The following RPL36A variants were observed in gnomAD, a reference collection of about 807,000 sequenced individuals.
RPL36A encodes the protein large ribosomal subunit protein eL42.
For missense variants in RPL36A, 20 were observed against 81.0 expected (o/e 0.25, Z 2.89); for synonymous variants, 25 against 28.5 (o/e 0.88, Z 0.39).
In RPL36A at chrX:101,395,760, T is replaced by C. The variant is rs782555509; in HGVS notation, c.*12T>C. On this transcript the variant is annotated 3_prime_UTR_variant, in exon 5 of 5. Transcript: ENST00000553110. ...TGATCCAGTTCTAAGTGTCATCTTT[T>C]ATTATGAAGACAATAAAATCTTGAG... is the stretch of plus-strand genomic sequence containing the variant. 8.4e-7 allele frequency: 1 copy of C among 1,194,376 alleles called. No individual in the cohort carries two copies. Among genetic ancestry groups the C allele is most frequent in the Admixed American group, 2.2e-5 (1 of 44,834 alleles).
intron 4 of RPL36A, 44 bp downstream of exon 4, chrX:101,395,501 ATTAT>A: frequency 1.7e-6 from 2 of 1,192,328 alleles, no homozygotes; most frequent in Non-Finnish European, 2.3e-6. Context: ...TCATAGCTTT[ATTAT>A]TTGAAAAGGT....
At position 101,395,314 on chromosome X, in the gene RPL36A, T is replaced by C. The variant is rs1927984731; in HGVS notation, c.178-21T>C. 3.4e-6 allele frequency: 4 copies of C among 1,170,892 alleles called. No homozygotes were observed. The South Asian group carries it at 7.9e-5, about 23-fold the overall frequency. Reference sequence around the variant, plus strand: ...ATCTTCTGTAGTTATTTATTAAGGCTTTAATTTAATTTTTTTTCAGGCTAA... The same window carrying C: ...ATCTTCTGTAGTTATTTATTAAGGCCTTAATTTAATTTTTTTTCAGGCTAA... On this transcript the variant is annotated intron_variant, in intron 3 of 4. Transcript: ENST00000553110.
At chrX:101,392,554 T>G in intron 3 of RPL36A, 1 of 755,120 alleles carries the variant, frequency 1.3e-6, no homozygotes, top group Non-Finnish European at 1.6e-6. Flanking sequence ...ATAACTTGTT[T>G]AGAAGACAGA....
chrX:101,395,281 A>G, intron 3 of RPL36A, 54 bp from the exon 4 acceptor site: 1 of 1,113,601 alleles, frequency 9.0e-7, no homozygotes, highest in East Asian at 3.2e-5. Flanking sequence ...TCATTTTTGA[A>G]GAAAGTGATC....
At chrX:101,392,308 G>C in intron 3 of RPL36A, 1 of 866,784 alleles carries the variant, frequency 1.2e-6, no homozygotes, top group Non-Finnish European at 1.4e-6. Context: ...CTCAGGCTGA[G>C]CGAGTTTCTG....
intron 2 of RPL36A, 78 bp downstream of exon 2, chrX:101,391,642 C>T (rs1927808811): frequency 8.4e-7 from 1 of 1,191,553 alleles, no homozygotes; most frequent in South Asian, 1.8e-5. Flanking sequence ...GGTCTCTCTC[C>T]CTCCACGCCT....
At chrX:101,391,675 C>A in intron 2 of RPL36A, 80 bp from the exon 3 acceptor site, 2 of 1,196,437 alleles carry the variant, frequency 1.7e-6, no homozygotes, top group Non-Finnish European at 2.3e-6. Context: ...AATATTTCTG[C>A]TGCGAAATTA....
chrX:101,393,868 TAAA>T (rs57267183), intron 3 of RPL36A: 2 of 108,978 alleles, frequency 1.8e-5, no homozygotes, highest in African/African-American at 3.3e-5. Flanking sequence ...CATAAGGAAA[TAAA>T]AAAAAAGTAT....
chrX:101,392,443 G>T, intron 3 of RPL36A: 1 of 783,122 alleles, frequency 1.3e-6, no homozygotes. Flanking sequence ...TTTAGCTCCA[G>T]AAAGTATTAA....
chrX:101,391,255 G>A, intron 1 of RPL36A: 1 of 580,097 alleles, frequency 1.7e-6, no homozygotes, highest in Middle Eastern at 4.9e-4. Flanking sequence ...GCCGGGGGTG[G>A]AGTTAATGAG....
chrX:101,392,078 T>C, intron 3 of RPL36A: 1 of 1,141,788 alleles, frequency 8.8e-7, no homozygotes, highest in Non-Finnish European at 1.2e-6. Context: ...TGTGCCCTGC[T>C]TTCCTAAGAA....
At chrX:101,395,123 C>T (rs988242849) in intron 3 of RPL36A, 2 of 264,791 alleles carry the variant, frequency 7.6e-6, no homozygotes, top group African/African-American at 5.8e-5. Flanking sequence ...AAGTTCTACA[C>T]ATTTTCTCTT....
At chrX:101,391,125 G>C in intron 1 of RPL36A, 79 bp downstream of exon 1, 1 of 1,063,631 alleles carries the variant, frequency 9.4e-7, no homozygotes, top group Non-Finnish European at 1.3e-6. Context: ...TGCCGGGATG[G>C]GTCCAGGCTC....
intron 1 of RPL36A, 161 bp from the exon 2 acceptor site, chrX:101,391,298 G>A: frequency 1.5e-6 from 1 of 668,559 alleles, no homozygotes; most frequent in Non-Finnish European, 2.3e-6. Flanking sequence ...GACGGAGGGA[G>A]GAAGCTCTGC....
intron 3 of RPL36A, 95 bp downstream of exon 3, chrX:101,391,917 T>G: frequency 4.2e-6 from 5 of 1,192,600 alleles, no homozygotes; most frequent in Non-Finnish European, 5.6e-6. Flanking sequence ...AGGTATAGCG[T>G]TAGTTTAGCG....
intron 3 of RPL36A, among the ~76,000 whole-genome samples, chrX:101,394,733 A>G (rs1927954911): frequency 1.0e-5 from 1 of 100,259 alleles, no homozygotes; most frequent in Non-Finnish European, 2.0e-5. Flanking sequence ...TATATTATAT[A>G]TTATATATAT....
intron 3 of RPL36A, among the ~76,000 whole-genome samples, chrX:101,394,056 G>A (rs1213212176): frequency 8.9e-6 from 1 of 111,979 alleles, no homozygotes; most frequent in Non-Finnish European, 1.9e-5. Context: ...AAGGCCGTGC[G>A]TGGTGGCTCG....
chrX:101,391,056 G>A lies in RPL36A; in HGVS notation c.3+10G>A. ...CGCTCACGCAAGCATGGTAGGACTT[G>A]CTGGTGGGGGCCGAGTAACATCCAG... On this transcript the variant is annotated intron_variant, in intron 1 of 4. Coordinates refer to ENST00000553110, the MANE Select transcript of RPL36A (RefSeq NM_021029.6). 8.3e-7 allele frequency: 1 copy of A among 1,207,059 alleles called. No individual in the cohort carries two copies. The highest frequency in any genetic ancestry group is 1.1e-6 in the Non-Finnish European group (1 of 890,909).
intron 3 of RPL36A, 40 bp downstream of exon 3, chrX:101,391,862 C>G: frequency 1.7e-6 from 2 of 1,201,389 alleles, no homozygotes; most frequent in East Asian, 5.9e-5. Context: ...CAGTTAATTG[C>G]CGTAAGGATA....
Sources: allele counts gnomAD v4.1 joint callset (sites outside exome capture counted in the v4.1 genomes callset), GRCh38; gene constraint gnomAD v4.1.1; transcripts MANE v1.5; gene names NCBI Gene and HGNC (gene_info 2026-07-23, HGNC 2026-07-21).